The following ARHGAP8 variants were observed in gnomAD, a reference collection of about 807,000 sequenced individuals.
ARHGAP8 encodes the protein rho GTPase-activating protein 8.
A neutral mutation model predicts 46.1 loss-of-function variants in ARHGAP8; 62 were observed. The ratio of observed to expected loss-of-function variants is 1.34; its 90% confidence interval spans 1.10 to 1.66. The LOEUF (loss-of-function observed/expected upper bound fraction) is 1.66, where lower values mean the gene tolerates loss of function less well. Ranked by LOEUF, ARHGAP8 falls within the 40% of genes most tolerant of loss-of-function variation. The pLI is 0.00. For missense variants in ARHGAP8, 923 were observed against 568.4 expected (o/e 1.62, Z -6.34); for synonymous variants, 375 against 243.1 (o/e 1.54, Z -5.05).
chr22:44,808,848 C>T (rs1929133438), intron 4 of ARHGAP8: 6 of 367,090 alleles, frequency 1.6e-5, no homozygotes, highest in East Asian at 7.2e-5. Flanking sequence ...GAGACAGTCT[C>T]GCCCTGTTGC....
chr22:44,765,569 C>A lies in ARHGAP8; in HGVS notation c.-72+12942C>A, dbSNP rs551502887. Among the ~76,000 whole-genome samples the A allele has an allele frequency of 8.5e-4, 130 of 152,266 alleles. 2 individuals are homozygous for A. Among genetic ancestry groups the A allele is most frequent in the Admixed American group, 1.7e-3 (26 of 15,294 alleles). ...TGGTGGGAGTGAGGACAGGTCGGGT[C>A]TGTCCCCGGCTGGAAGCTGCCCTCC... On this transcript the variant is annotated intron_variant, in intron 1 of 11. Coordinates refer to ENST00000356099, the MANE Select transcript of ARHGAP8 (RefSeq NM_181335.3).
chr22:44,861,484 A>C (rs868009232), intron 11 of ARHGAP8, among the ~76,000 whole-genome samples: 1 of 152,064 alleles, frequency 6.6e-6, no homozygotes, highest in African/African-American at 2.4e-5. Flanking sequence ...GGAGCCTGAA[A>C]GGCATCCAGC....
At position 44,862,521 on chromosome 22, in the gene ARHGAP8, C is replaced by G. The variant is rs147816304; in HGVS notation, c.1228C>G (p.Arg410Gly). ...AGCCCCTTTGCAGGAGGCTGTGCCA[C>G]GGACACAAGCCACGGGCCTCACCAA... ...RAAPLQEAVP[R>G]TQATGLTKPT... is the part of the protein sequence containing the mutation. The change falls in exon 12 of 12, where the codon CGG becomes GGG. Residue 410 changes from arginine to glycine, a missense_variant. By Grantham distance (125) the Arg-to-Gly change is moderately radical. Coordinates refer to ENST00000356099, the MANE Select transcript of ARHGAP8 (RefSeq NM_181335.3). 5 of 1,611,856 alleles carry G rather than the reference C, an allele frequency of 3.1e-6. No homozygotes were observed. The highest frequency in any genetic ancestry group is 4.2e-6 in the Non-Finnish European group (5 of 1,178,394).
Position 44,785,810 on chromosome 22 carries a change from C to T in ARHGAP8, c.-71-647C>T, listed in dbSNP as rs139562595. ...GGAGGGCAGCCTTTTCTTTCTTCCT[C>T]ATATGGCAGTGACCCCAGTGCCTGC... On this transcript the variant is annotated intron_variant, in intron 1 of 11. Transcript: ENST00000356099. 5.4e-3 allele frequency among the ~76,000 whole-genome samples: 819 copies of T among 152,268 alleles called. 12 individuals carry two copies. The highest frequency in any genetic ancestry group is 0.017 in the African/African-American group (726 of 41,550).
intron 3 of ARHGAP8, among the ~76,000 whole-genome samples, chr22:44,804,111 A>G (rs994534592): frequency 6.6e-5 from 10 of 151,708 alleles, no homozygotes; most frequent in Non-Finnish European, 1.3e-4. Flanking sequence ...TCAAAGCCAC[A>G]TGGGCCTCGC....
At position 44,849,038 on chromosome 22, in the gene ARHGAP8, C is replaced by A. The variant is rs774624971; in HGVS notation, c.855C>A (p.Tyr285Ter). Reference sequence around the variant, plus strand: ...AGCCGCTTCTGACCTTCCAGGCCTACGAGCAGATTCTCGGGATCACCTGTG... The same window carrying A: ...AGCCGCTTCTGACCTTCCAGGCCTAAGAGCAGATTCTCGGGATCACCTGTG... ...LPQPLLTFQA[Y>*]EQILGITCVE... Residue 285 changes from tyrosine to a stop codon, truncating the protein, a stop_gained, in exon 10 of 12, where the codon TAC (tyrosine) becomes TAA (stop). Coordinates refer to ENST00000356099, the MANE Select transcript of ARHGAP8 (RefSeq NM_181335.3). LOFTEE classifies it high-confidence loss of function. 6.3e-5 allele frequency: 102 copies of A among 1,613,866 alleles called. No individual in the cohort carries two copies. The highest frequency in any genetic ancestry group is 1.5e-4 in the Admixed American group (9 of 60,002).
At chr22:44,848,144 C>T (rs541448771) in intron 9 of ARHGAP8, 94 bp downstream of exon 9, 113 of 1,513,508 alleles carry the variant, frequency 7.5e-5, no homozygotes, top group Non-Finnish European at 8.3e-5. Context: ...GCACCGCCCC[C>T]GCAACCCACC....
chr22:44,786,744 G>A (rs1775733934), intron 2 of ARHGAP8, 138 bp downstream of exon 2: 2 of 1,306,628 alleles, frequency 1.5e-6, no homozygotes, highest in Non-Finnish European at 2.1e-6. Context: ...GCCAGGTGCA[G>A]TGGCTCATAC....
At chr22:44,859,682 C>T in intron 10 of ARHGAP8, 49 bp from the exon 11 acceptor site, 1 of 1,599,292 alleles carries the variant, frequency 6.3e-7, no homozygotes, top group East Asian at 2.2e-5. Flanking sequence ...GGATGCAGCG[C>T]TGCCCCTGGC....
chr22:44,763,801 T>TC (rs1491318808), intron 1 of ARHGAP8, among the ~76,000 whole-genome samples: 50 of 77,766 alleles, frequency 6.4e-4, no homozygotes, highest in Non-Finnish European at 1.3e-3. Context: ...CTTTTTCTTT[T>TC]CTTTTTTTTT....
intron 10 of ARHGAP8, among the ~76,000 whole-genome samples, chr22:44,859,357 C>T (rs112817378): frequency 5.3e-5 from 8 of 152,228 alleles, no homozygotes; most frequent in African/African-American, 1.7e-4. Context: ...GCACCTCTGT[C>T]CCACTCTCTC....
chr22:44,858,378 T>C (rs1176376168), intron 10 of ARHGAP8, among the ~76,000 whole-genome samples: 1 of 151,644 alleles, frequency 6.6e-6, no homozygotes. Context: ...GGTTTTTTTT[T>C]TTTTTTGAGA....
intron 1 of ARHGAP8, among the ~76,000 whole-genome samples, chr22:44,783,280 C>T (rs1489666229): frequency 6.6e-6 from 1 of 152,166 alleles, no homozygotes; most frequent in African/African-American, 2.4e-5. Flanking sequence ...AGGGCTTTGC[C>T]ACTCTCTGAG....
At chr22:44,771,231 T>C (rs1415965517) in intron 1 of ARHGAP8, among the ~76,000 whole-genome samples, 1 of 151,022 alleles carries the variant, frequency 6.6e-6, no homozygotes, top group African/African-American at 2.4e-5. Context: ...GATCATGTAG[T>C]TTGCAAGTAA....
intron 2 of ARHGAP8, among the ~76,000 whole-genome samples, chr22:44,792,874 A>T (rs1410629553): frequency 6.7e-6 from 1 of 149,934 alleles, no homozygotes; most frequent in African/African-American, 2.5e-5. Flanking sequence ...CTCAGGCTGG[A>T]GTGCAGTGGC....
chr22:44,852,226 GGAAGGAAGGT>G (rs535213085), intron 10 of ARHGAP8, among the ~76,000 whole-genome samples: 51 of 150,374 alleles, frequency 3.4e-4, no homozygotes, highest in Middle Eastern at 3.4e-3. Context: ...AAGGAAGGGA[GGAAGGAAGGT>G]GAAGGAAGGT....
intron 8 of ARHGAP8, among the ~76,000 whole-genome samples, chr22:44,847,429 T>C (rs1166417118): frequency 1.3e-5 from 2 of 152,252 alleles, no homozygotes; most frequent in African/African-American, 2.4e-5. Context: ...AGTAGCTCAA[T>C]AGGGCAGTTC....
chr22:44,858,194 C>T (rs1433562606), intron 10 of ARHGAP8, among the ~76,000 whole-genome samples: 5 of 152,160 alleles, frequency 3.3e-5, no homozygotes, highest in African/African-American at 1.2e-4. Flanking sequence ...GTTTGTAGAG[C>T]ACCCGGTGGT....
At chr22:44,827,500 G>A (rs1930622986) in intron 7 of ARHGAP8, among the ~76,000 whole-genome samples, 1 of 151,946 alleles carries the variant, frequency 6.6e-6, no homozygotes, top group African/African-American at 2.4e-5. Flanking sequence ...CCACCGCCAT[G>A]CCTGGCTAAT....
Sources: gnomAD v4.1 joint callset for allele counts (sites outside exome capture counted in the v4.1 genomes callset) on GRCh38, gnomAD v4.1.1 for gene constraint, MANE v1.5 for transcripts, NCBI Gene and HGNC (gene_info 2026-07-23, HGNC 2026-07-21) for gene names.